G3BP2: variants seen among roughly 807,000 people sequenced by gnomAD.
G3BP2 encodes G3BP stress granule assembly factor 2, also known as ras GTPase-activating protein-binding protein 2.
G3BP2 carries 11 observed loss-of-function variants against 56.7 expected under a neutral mutation model. That is an observed-to-expected ratio of 0.19 (90% CI 0.12 to 0.32). The LOEUF is 0.32. G3BP2 is among the 10% of genes least tolerant of loss of function. The probability of loss-of-function intolerance (pLI) is 1.00; values close to 1 mark genes in which losing one functional copy is unlikely to be tolerated. For synonymous variants in G3BP2, 165 were observed against 191.6 expected (o/e 0.86, Z 1.15); for missense variants, 340 against 610.9 (o/e 0.56, Z 4.67).
chr4:75,659,911 T>G (rs1470297685), intron 2 of G3BP2, among the ~76,000 whole-genome samples: 1 of 152,208 alleles, frequency 6.6e-6, no homozygotes, highest in African/African-American at 2.4e-5. Flanking sequence ...TGGCTGTGTG[T>G]GTATACACAT....
At chr4:75,662,365 G>T in intron 1 of G3BP2, 1 of 187,116 alleles carries the variant, frequency 5.3e-6, no homozygotes, top group Admixed American at 6.0e-5. Flanking sequence ...TGGGATTACA[G>T]GCATACGCCA....
intron 1 of G3BP2, among the ~76,000 whole-genome samples, chr4:75,665,722 G>T (rs1034260532): frequency 6.6e-6 from 1 of 151,936 alleles, no homozygotes; most frequent in Non-Finnish European, 1.5e-5. Flanking sequence ...AATAATGAGG[G>T]TGGGTAAAGA....
chr4:75,703,809 GCTAT>G (rs1318566922), intron 3 of G3BP2, among the ~76,000 whole-genome samples: 1 of 151,954 alleles, frequency 6.6e-6, no homozygotes, highest in Non-Finnish European at 1.5e-5. Context: ...TCCTTCTTTG[GCTAT>G]CTATTTGATT....
intron 7 of G3BP2, among the ~76,000 whole-genome samples, chr4:75,654,445 C>T (rs189624660): frequency 3.2e-4 from 48 of 152,200 alleles, no homozygotes; most frequent in Non-Finnish European, 4.7e-4. Context: ...ATGGTGTTAA[C>T]GGGAGAGGGA....
At chr4:75,682,440 A>AACTT (rs763888177) in intron 3 of G3BP2, among the ~76,000 whole-genome samples, 13 of 151,882 alleles carry the variant, frequency 8.6e-5, no homozygotes, top group Non-Finnish European at 1.6e-4. Context: ...AAAAATTATG[A>AACTT]ACTTTATTTC....
intron 3 of G3BP2, among the ~76,000 whole-genome samples, chr4:75,682,392 G>C (rs570729728): frequency 2.1e-4 from 31 of 145,300 alleles, no homozygotes; most frequent in Non-Finnish European, 3.3e-4. Context: ...CTCCGGCCTT[G>C]TGACAGAGCG....
intron 3 of G3BP2, among the ~76,000 whole-genome samples, chr4:75,712,426 T>G (rs1376278662): frequency 1.3e-5 from 2 of 152,178 alleles, no homozygotes; most frequent in Non-Finnish European, 2.9e-5. Flanking sequence ...AAAGTGAGAT[T>G]TTACTGCCAA....
intron 3 of G3BP2, among the ~76,000 whole-genome samples, chr4:75,695,550 A>G (rs923942363): frequency 6.6e-6 from 1 of 152,206 alleles, no homozygotes; most frequent in African/African-American, 2.4e-5. Context: ...CAATCTCCCA[A>G]GAGCTGAAGC....
At chr4:75,683,033 A>C (rs942442711) in intron 3 of G3BP2, among the ~76,000 whole-genome samples, 1 of 152,068 alleles carries the variant, frequency 6.6e-6, no homozygotes, top group Admixed American at 6.5e-5. Flanking sequence ...GACACAGCGC[A>C]TTGTGACTTT....
upstream of G3BP2, among the ~76,000 whole-genome samples, chr4:75,674,130 G>A (rs574448156): frequency 2.3e-4 from 35 of 152,300 alleles, no homozygotes; most frequent in African/African-American, 7.9e-4. Flanking sequence ...TGCCCCCAGG[G>A]TGAGACACTG....
At chr4:75,648,602 A>G (rs776179616) in intron 9 of G3BP2, 37 bp downstream of exon 9, 1 of 1,063,496 alleles carries the variant, frequency 9.4e-7, no homozygotes, top group African/African-American at 1.6e-5. Flanking sequence ...AGCCTTACAA[A>G]TGTTAAATGC....
At position 75,706,955 on chromosome 4, in the gene G3BP2, G is replaced by A. The variant is rs1333773195; in HGVS notation, c.-25+13922C>T. Among the ~76,000 whole-genome samples the A allele has an allele frequency of 3.3e-5, 5 of 152,158 alleles. No homozygotes were observed. The East Asian group carries it at 9.8e-4, about 30-fold the overall frequency. On this transcript the variant is annotated intron_variant, in intron 3 of 3. Transcript: ENST00000499709. Reference sequence around the variant, plus strand: ...TGCCTATAATCCCAGCACTTTGAGAGGCTGAGGCGGGCGGATCACCTGAGG... The same window carrying A: ...TGCCTATAATCCCAGCACTTTGAGAAGCTGAGGCGGGCGGATCACCTGAGG...
intron 1 of G3BP2, among the ~76,000 whole-genome samples, chr4:75,669,303 T>C (rs546317428): frequency 1.3e-5 from 2 of 152,354 alleles, no homozygotes; most frequent in African/African-American, 4.8e-5. Flanking sequence ...TATTTCCTTA[T>C]TTCTGTTAAA....
intron 4 of G3BP2, 136 bp downstream of exon 4, chr4:75,657,421 T>G (rs1732202532): frequency 1.6e-6 from 1 of 629,778 alleles, no homozygotes; most frequent in Non-Finnish European, 2.8e-6. Flanking sequence ...ACACACGCAC[T>G]CACTCAAACA....
chr4:75,670,028 G>A (rs1438158939), intron 1 of G3BP2, among the ~76,000 whole-genome samples: 1 of 152,302 alleles, frequency 6.6e-6, no homozygotes, highest in South Asian at 2.1e-4. Flanking sequence ...CGGGGGCGGA[G>A]GTTGCAGTGA....
At chr4:75,657,904 A>C (rs1450651781) in intron 3 of G3BP2, among the ~76,000 whole-genome samples, 174 bp from the exon 4 acceptor site, 2 of 152,230 alleles carry the variant, frequency 1.3e-5, no homozygotes, top group African/African-American at 2.4e-5. Context: ...CTAAAGAAGA[A>C]ATCACAATAG....
At chr4:75,663,340 T>G (rs1258813089) in intron 1 of G3BP2, among the ~76,000 whole-genome samples, 1 of 74,456 alleles carries the variant, frequency 1.3e-5, no homozygotes, top group African/African-American at 5.2e-5. Flanking sequence ...CACTGCAGCC[T>G]CAACTGCCAG....
At chr4:75,689,125 G>A (rs1427768475) in intron 3 of G3BP2, among the ~76,000 whole-genome samples, 1 of 152,190 alleles carries the variant, frequency 6.6e-6, no homozygotes, top group East Asian at 1.9e-4. Context: ...GCTCACTCCT[G>A]TAATCCCAGC....
intron 3 of G3BP2, 149 bp downstream of exon 3, chr4:75,658,694 T>C: frequency 1.6e-6 from 1 of 617,116 alleles, no homozygotes; most frequent in South Asian, 1.9e-5. Flanking sequence ...ACCACTGCAC[T>C]CCAGCCTGGG....
Sources: gnomAD v4.1 joint callset for allele counts (sites outside exome capture counted in the v4.1 genomes callset) on GRCh38, gnomAD v4.1.1 for gene constraint, MANE v1.5 for transcripts, NCBI Gene and HGNC (gene_info 2026-07-23, HGNC 2026-07-21) for gene names.